Variants in HLA-DQB2 observed in about 807,000 individuals in gnomAD.
The protein encoded by HLA-DQB2 is major histocompatibility complex, class II, DQ beta 2, also known as HLA class II histocompatibility antigen, DQ beta 2 chain.
Under a neutral mutation model 29.2 loss-of-function variants are expected in HLA-DQB2, and 24 were observed. That is an observed-to-expected ratio of 0.82 (90% CI 0.60 to 1.16). The LOEUF is 1.16. Ranked by LOEUF, HLA-DQB2 falls within the 50% of genes most tolerant of loss-of-function variation. HLA-DQB2 has a pLI of 0.00. For synonymous variants in HLA-DQB2, 104 were observed against 133.1 expected (o/e 0.78, Z 1.51); for missense variants, 273 against 343.6 (o/e 0.79, Z 1.62).
intron 2 of HLA-DQB2, 29 bp from the exon 3 acceptor site, chr6:32,759,160 A>G: frequency 1.9e-6 from 3 of 1,607,104 alleles, no homozygotes; most frequent in Non-Finnish European, 2.6e-6. Flanking sequence ...AGGGAAAGAT[A>G]TAGGAGTGAG....
chr6:32,756,686 C>A, intron 5 of HLA-DQB2: 1 of 1,362,446 alleles, frequency 7.3e-7, no homozygotes, highest in African/African-American at 1.5e-5. Context: ...ACAGCAGTTA[C>A]CCTTCTGGGT....
intron 2 of HLA-DQB2, among the ~76,000 whole-genome samples, chr6:32,759,334 T>C (rs911104260): frequency 4.0e-5 from 6 of 149,984 alleles, no homozygotes; most frequent in African/African-American, 7.3e-5. Context: ...TTCCTGCCTT[T>C]ATAGAACTTG....
intron 5 of HLA-DQB2, 176 bp downstream of exon 5, chr6:32,757,105 T>C (rs1582379140): frequency 1.4e-6 from 2 of 1,433,338 alleles, no homozygotes; most frequent in East Asian, 5.1e-5. Flanking sequence ...CTGCAACCTC[T>C]GCCTCCTGGG....
At chr6:32,757,328 A>G in intron 4 of HLA-DQB2, 24 bp from the exon 5 acceptor site, 1 of 1,512,836 alleles carries the variant, frequency 6.6e-7, no homozygotes, top group Non-Finnish European at 9.0e-7. Context: ...TTATACAGAG[A>G]AAGGTCTTGT....
chr6:32,761,528 C>A, intron 2 of HLA-DQB2, 132 bp downstream of exon 2: 1 of 1,041,844 alleles, frequency 9.6e-7, no homozygotes, highest in Non-Finnish European at 1.4e-6. Flanking sequence ...GCCTCCAAAT[C>A]CCCGCCACCT....
In HLA-DQB2 at chr6:32,758,865, T is replaced by A; in HGVS notation, c.631A>T (p.Ile211Phe). Residue 211 changes from isoleucine (I) to phenylalanine (F), a missense_variant, in exon 3 of 6, where the codon ATC becomes TTC. Ile to Phe is a conservative substitution (Grantham distance 21, BLOSUM62 0). Coordinates refer to ENST00000437316, the MANE Select transcript of HLA-DQB2 (RefSeq NM_001300790.2). ...TTCCCCTTACGCCACTCCACGGTGA[T>A]GGGGCTCTGGAGGCTGGGGTGCTCC... The part of the protein sequence containing the change: ...QVEHPSLQSP[I>F]TVEWRAQSES... 2 of 1,613,760 alleles carry A rather than the reference T, an allele frequency of 1.2e-6. No individual in the cohort carries two copies. The highest frequency in any genetic ancestry group is 1.7e-6 in the Non-Finnish European group (2 of 1,179,812).
chr6:32,757,292 G>A lies in HLA-DQB2; in HGVS notation c.770C>T (p.Pro257Leu). The A allele has an allele frequency of 6.5e-7, 1 of 1,549,942 alleles. No homozygotes were observed. The highest frequency in any genetic ancestry group is 8.7e-7 in the Non-Finnish European group (1 of 1,146,450). Reference sequence around the variant, plus strand: ...GGCTGAAATATTACCTGCTGGTGGAGGCCCTCGAGGTCCTACAAAAGGAAG... The same window carrying A: ...GGCTGAAATATTACCTGCTGGTGGAAGCCCTCGAGGTCCTACAAAAGGAAG... ...RHRGQKGPRG[P>L]PPAGLLH Residue 257 changes from proline to leucine, a missense_variant, in exon 5 of 6, where the codon CCT becomes CTT. Coordinates refer to ENST00000437316, the MANE Select transcript of HLA-DQB2 (RefSeq NM_001300790.2).
chr6:32,760,999 T>C (rs1344198539), intron 2 of HLA-DQB2, among the ~76,000 whole-genome samples: 6,630 of 120,360 alleles, frequency 0.055, no homozygotes, highest in South Asian at 0.071. Context: ...ATTGAGCTCA[T>C]ACCACATGCC....
intron 2 of HLA-DQB2, among the ~76,000 whole-genome samples, chr6:32,761,043 T>TAAAACATC (rs1456005710): frequency 1.3e-5 from 2 of 152,284 alleles, no homozygotes; most frequent in African/African-American, 4.8e-5. Context: ...ATGCAATGAT[T>TAAAACATC]AAAACACTCT....
rs976872019 is a variant in HLA-DQB2 at position 32,758,758 on chromosome 6, T to A, written c.646+92A>T. On this transcript the variant is annotated intron_variant, in intron 3 of 5. Coordinates refer to ENST00000437316, the MANE Select transcript of HLA-DQB2 (RefSeq NM_001300790.2). ...TGTGATTCCCAGCTCAGTAGTGATGTCAGGGACAAGAGATGGGATGGGAAG... is the reference window on the plus strand; with the variant it reads ...TGTGATTCCCAGCTCAGTAGTGATGACAGGGACAAGAGATGGGATGGGAAG... The A allele has an allele frequency of 1.6e-5, 23 of 1,449,880 alleles. No homozygotes were observed. The Admixed American group carries it at 4.7e-4, about 29-fold the overall frequency. 89.8% of individuals were successfully genotyped at this position (1,449,880 alleles called of 1,614,324 possible). A position where few individuals can be genotyped will look rare whatever the true frequency, so the allele number is the denominator to read the frequency against.
At chr6:32,759,969 C>T (rs1204559513) in intron 2 of HLA-DQB2, among the ~76,000 whole-genome samples, 1 of 152,120 alleles carries the variant, frequency 6.6e-6, no homozygotes, top group East Asian at 1.9e-4. Flanking sequence ...GGCCCTCCTT[C>T]CTGGAGTCTG....
At chr6:32,756,733 A>T in intron 5 of HLA-DQB2, 1 of 1,304,770 alleles carries the variant, frequency 7.7e-7, no homozygotes, top group Non-Finnish European at 9.7e-7. Context: ...AAATTGGGTG[A>T]CACTTCATCT....
At chr6:32,759,977 C>A (rs1195540153) in intron 2 of HLA-DQB2, among the ~76,000 whole-genome samples, 2 of 152,108 alleles carry the variant, frequency 1.3e-5, no homozygotes, top group Non-Finnish European at 1.5e-5. Context: ...TTCCTGGAGT[C>A]TGACTGAAAT....
Position 32,761,654 on chromosome 6 carries a change from G to A in HLA-DQB2, c.364+6C>T. 1 of 1,544,796 alleles carries A rather than the reference G, an allele frequency of 6.5e-7. No individual in the cohort carries two copies. On this transcript the variant is annotated splice_donor_region_variant and intron_variant, in intron 2 of 5. Transcript: ENST00000437316. ...GTGAGCCCCGCGGAAGGACGACGAC[G>A]CTCACCTTGCCGCTGCAAGGTCGTG... is the stretch of plus-strand genomic sequence containing the variant.
Position 32,756,297 on chromosome 6 carries a change from G to A in HLA-DQB2, c.*156C>T. ...AGCAGAGTCACCACCAGTGCCTTGG[G>A]ATGGGGATCACAGAAGGTGACCTGT... On this transcript the variant is annotated 3_prime_UTR_variant, in exon 6 of 6. Coordinates refer to ENST00000437316, the MANE Select transcript of HLA-DQB2 (RefSeq NM_001300790.2). The A allele has an allele frequency of 1.5e-6, 1 of 659,442 alleles. No homozygotes were observed. Among genetic ancestry groups the A allele is most frequent in the Non-Finnish European group, 2.8e-6 (1 of 357,934 alleles). The allele number at this position is 659,442 out of a possible 1,614,324, so 40.8% of individuals were successfully genotyped here.
intron 2 of HLA-DQB2, among the ~76,000 whole-genome samples, chr6:32,760,538 AG>A (rs1764691955): frequency 6.6e-6 from 1 of 152,240 alleles, no homozygotes; most frequent in Non-Finnish European, 1.5e-5. Context: ...GTGTTTGCTA[AG>A]GCAATTGTCT....
chr6:32,759,714 C>T (rs576705619), intron 2 of HLA-DQB2, among the ~76,000 whole-genome samples: 21 of 152,366 alleles, frequency 1.4e-4, no homozygotes, highest in African/African-American at 4.8e-4. Flanking sequence ...GCCTACCCTA[C>T]TCCATCCCCT....
intron 4 of HLA-DQB2, 142 bp from the exon 5 acceptor site, chr6:32,757,446 T>A: frequency 1.4e-6 from 1 of 704,962 alleles, no homozygotes; most frequent in Non-Finnish European, 2.4e-6. Flanking sequence ...CACCCTAAGT[T>A]AAAATCCCCC....
At position 32,763,513 on chromosome 6, in the gene HLA-DQB2, C is replaced by CT; in HGVS notation, c.-44_-43insA. On this transcript the variant is annotated 5_prime_UTR_variant, in exon 1 of 6. Transcript: ENST00000437316. ...AGACCAAGGAAAAAGCAGTGGTAGT[C>CT]AACACAGCTCAAACCTAATGGATCT... 8.0e-7 allele frequency: 1 copy of CT among 1,246,860 alleles called. No homozygotes were observed. The highest frequency in any genetic ancestry group is 1.2e-6 in the Non-Finnish European group (1 of 868,486). 77.2% of individuals were successfully genotyped at this position (1,246,860 alleles called of 1,614,324 possible). A position where few individuals can be genotyped will look rare whatever the true frequency, so the allele number is the denominator to read the frequency against.
Sources: gnomAD v4.1 joint callset for allele counts (sites outside exome capture counted in the v4.1 genomes callset) on GRCh38, gnomAD v4.1.1 for gene constraint, MANE v1.5 for transcripts, NCBI Gene and HGNC (gene_info 2026-07-23, HGNC 2026-07-21) for gene names.